Variants in ABCA13 observed in about 807,000 individuals in gnomAD.
The protein encoded by ABCA13 is ATP-binding cassette sub-family A member 13.
ABCA13 carries 476 observed loss-of-function variants against 478.7 expected under a neutral mutation model. That is an observed-to-expected ratio of 0.99 (90% CI 0.92 to 1.07). The LOEUF is 1.07. Ranked by LOEUF, ABCA13 falls within the 50% of genes least tolerant of loss-of-function variation. The pLI is 0.00. For missense variants in ABCA13, 6,060 were observed against 5,910.6 expected, an observed-to-expected ratio of 1.03 and a Z score of -0.83; for synonymous variants, 2,252 against 2,158.9, an observed-to-expected ratio of 1.04 and a Z score of -1.20.
At chr7:48,409,084 A>G (rs112816580) in intron 39 of ABCA13, among the ~76,000 whole-genome samples, 2 of 152,236 alleles carry the variant, frequency 1.3e-5, no homozygotes, top group African/African-American at 4.8e-5. Context: ...TAGCATATTC[A>G]CAACCTCAAA....
At chr7:48,443,070 A>G (rs1823844767) in intron 42 of ABCA13, among the ~76,000 whole-genome samples, 1 of 152,206 alleles carries the variant, frequency 6.6e-6, no homozygotes, top group Non-Finnish European at 1.5e-5. Context: ...CCAGGGATGC[A>G]CACACATAGA....
intron 59 of ABCA13, among the ~76,000 whole-genome samples, chr7:48,636,336 T>C (rs987461459): frequency 1.6e-4 from 24 of 151,722 alleles, no homozygotes; most frequent in African/African-American, 5.9e-4. Context: ...TAGTACTTTC[T>C]ATGTTATAGC....
intron 51 of ABCA13, among the ~76,000 whole-genome samples, chr7:48,513,332 A>G (rs1024284181): frequency 6.6e-6 from 1 of 152,226 alleles, no homozygotes; most frequent in Non-Finnish European, 1.5e-5. Context: ...ATAACAAGAT[A>G]AACATGCCTA....
chr7:48,259,716 A>C (rs573792037), intron 15 of ABCA13, among the ~76,000 whole-genome samples: 1 of 94,790 alleles, frequency 1.1e-5, no homozygotes, highest in South Asian at 2.9e-4. Flanking sequence ...CTATATACTT[A>C]AGTGTTTTTT....
chr7:48,601,137 T>C (rs2131478983), intron 58 of ABCA13, among the ~76,000 whole-genome samples: 1 of 151,690 alleles, frequency 6.6e-6, no homozygotes, highest in East Asian at 1.9e-4. Flanking sequence ...TTTCTTGTAA[T>C]CTTTAACTGA....
At chr7:48,215,268 C>T (rs1023552455) in intron 3 of ABCA13, among the ~76,000 whole-genome samples, 5 of 151,844 alleles carry the variant, frequency 3.3e-5, no homozygotes, top group African/African-American at 4.8e-5. Context: ...CAGGAAGGCC[C>T]GAGGAGAGGA....
intron 25 of ABCA13, 130 bp downstream of exon 25, chr7:48,313,361 T>A (rs1240909963): frequency 1.1e-6 from 1 of 910,018 alleles, no homozygotes; most frequent in East Asian, 2.7e-5. Context: ...TGAAAGTACC[T>A]TTTCATATCT....
intron 23 of ABCA13, among the ~76,000 whole-genome samples, chr7:48,303,642 T>C (rs892178673): frequency 2.0e-5 from 3 of 152,166 alleles, no homozygotes; most frequent in Admixed American, 1.3e-4. Flanking sequence ...CAGATAGTTA[T>C]AGGTTTACGG....
At position 48,278,581 on chromosome 7, in the gene ABCA13, T is replaced by C. The variant is rs1796603436; in HGVS notation, c.7387T>C (p.Ser2463Pro). 1 of 1,613,802 alleles carries C rather than the reference T, an allele frequency of 6.2e-7. No homozygotes were observed. Among genetic ancestry groups the C allele is most frequent in the Non-Finnish European group, 8.5e-7 (1 of 1,179,870 alleles). Residue 2463 changes from serine (S) to proline (P), a missense_variant, in exon 18 of 62, where the codon TCA becomes CCA. Ser to Pro is a moderately conservative substitution (Grantham distance 74). Transcript: ENST00000435803. The stretch of plus-strand genomic sequence containing the variant: ...GGATTTGCTTTTCTTTATAAATAAT[T>C]CATTCCCTCTAAGAAACAGAGCAAC... ...LTDLLFFINNSFPLRNRATLE... is the reference protein window; with the variant it reads ...LTDLLFFINNPFPLRNRATLE...
At chr7:48,310,334 A>C (rs1178162678) in intron 24 of ABCA13, among the ~76,000 whole-genome samples, 193 bp downstream of exon 24, 2 of 152,118 alleles carry the variant, frequency 1.3e-5, no homozygotes, top group Non-Finnish European at 2.9e-5. Context: ...TGTTGTAATA[A>C]AGGGATGTTC....
chr7:48,238,232 G>A (rs1308889509), intron 8 of ABCA13, among the ~76,000 whole-genome samples: 7 of 152,250 alleles, frequency 4.6e-5, no homozygotes, highest in Non-Finnish European at 8.8e-5. Flanking sequence ...TCACCCTCAT[G>A]ATCTGACCAG....
At chr7:48,575,767 T>C (rs1010522660) in intron 55 of ABCA13, among the ~76,000 whole-genome samples, 3 of 152,168 alleles carry the variant, frequency 2.0e-5, no homozygotes, top group African/African-American at 7.2e-5. Flanking sequence ...AAGTTGTCAC[T>C]TTCATTTTCA....
At chr7:48,606,471 C>T (rs1162670314) in intron 58 of ABCA13, among the ~76,000 whole-genome samples, 1 of 152,164 alleles carries the variant, frequency 6.6e-6, no homozygotes, top group Non-Finnish European at 1.5e-5. Context: ...AACAGTCAGG[C>T]CCCTCTGCTG....
rs1048591669 is a variant in ABCA13 at position 48,507,996 on chromosome 7, A to G, written c.13471A>G (p.Ile4491Val). Residue 4491 changes from isoleucine to valine, a missense_variant, in exon 50 of 62, where the codon ATA (isoleucine) becomes GTA (valine). Coordinates refer to ENST00000435803, the MANE Select transcript of ABCA13 (RefSeq NM_152701.5). Reference sequence around the variant, plus strand: ...GATTGGAGCCAAAAGGTTGCAGCACATAAGTGGCCTTGGCTACAGGATGTA... The same window carrying G: ...GATTGGAGCCAAAAGGTTGCAGCACGTAAGTGGCCTTGGCTACAGGATGTA... The part of the protein sequence containing the change: ...RVIGAKRLQH[I>V]SGLGYRMYWF... 10 of 1,613,808 alleles carry G rather than the reference A, an allele frequency of 6.2e-6. No individual in the cohort carries two copies. The highest frequency in any genetic ancestry group is 2.2e-5 in the East Asian group (1 of 44,838).
At position 48,506,488 on chromosome 7, in the gene ABCA13, C is replaced by T. The variant is rs1029988413; in HGVS notation, c.13346+98C>T. On this transcript the variant is annotated intron_variant, in intron 49 of 61. Transcript: ENST00000435803. ...CTTTGGTCTCTCTTTTGCATTTGCC[C>T]CAAGAGATGGCTTATAGAGTTAGCA... 11 of 1,342,346 alleles carry T rather than the reference C, an allele frequency of 8.2e-6. No homozygotes were observed. The African/African-American group carries it at 1.6e-4, about 20-fold the overall frequency. 83.2% of individuals were successfully genotyped at this position (1,342,346 alleles called of 1,614,324 possible).
chr7:48,352,490 G>A lies in ABCA13; in HGVS notation c.10688+3G>A, dbSNP rs754140761. 2.5e-5 allele frequency: 40 copies of A among 1,594,396 alleles called. No individual in the cohort carries two copies. Among genetic ancestry groups the A allele is most frequent in the Non-Finnish European group, 4.3e-6 (5 of 1,168,438 alleles). ...TACCCCTGCCATACCAGCGACCTGT[G>A]AGTAGCCTGGGGCAGGAGCCACCGA... On this transcript the variant is annotated splice_donor_region_variant and intron_variant, in intron 31 of 61. Transcript: ENST00000435803.
At chr7:48,607,018 C>T (rs578008280) in intron 58 of ABCA13, among the ~76,000 whole-genome samples, 3 of 152,168 alleles carry the variant, frequency 2.0e-5, no homozygotes, top group Admixed American at 6.5e-5. Flanking sequence ...GGTGAAACCG[C>T]GTACTGAAGC....
Position 48,410,590 on chromosome 7 carries a change from C to T in ABCA13, c.12141C>T (p.Leu4047=), listed in dbSNP as rs1296849373. 1 of 1,613,916 alleles carries T rather than the reference C, an allele frequency of 6.2e-7. No individual in the cohort carries two copies. Among genetic ancestry groups the T allele is most frequent in the African/African-American group, 1.3e-5 (1 of 74,942 alleles). ...CGCTGAGTGACCGCGTGGCCGTCCTCCAGCATGGGAGGCTCAGGTGCTGCG... is the reference window on the plus strand; with the variant it reads ...CGCTGAGTGACCGCGTGGCCGTCCTTCAGCATGGGAGGCTCAGGTGCTGCG... ...AEALSDRVAV[L]QHGRLRCCGP... Residue 4047 remains leucine (L), a synonymous_variant, in exon 40 of 62, where the codon CTC becomes CTT. Transcript: ENST00000435803.
chr7:48,300,407 G>C (rs1249470476), intron 23 of ABCA13, among the ~76,000 whole-genome samples: 4 of 152,230 alleles, frequency 2.6e-5, no homozygotes, highest in African/African-American at 9.7e-5. Flanking sequence ...ATGTTCTGTG[G>C]GGGATGACAC....
Sources: allele counts gnomAD v4.1 joint callset (sites outside exome capture counted in the v4.1 genomes callset), GRCh38; gene constraint gnomAD v4.1.1; transcripts MANE v1.5; gene names NCBI Gene and HGNC (gene_info 2026-07-23, HGNC 2026-07-21).